Variants in GRIK4 observed in about 807,000 individuals in gnomAD.
GRIK4 encodes the protein glutamate ionotropic receptor kainate type subunit 4, also known as glutamate receptor ionotropic, kainate 4.
GRIK4 carries 40 observed loss-of-function variants against 104.9 expected under a neutral mutation model. The observed-to-expected ratio is 0.38, with a 90% CI of 0.30 to 0.50. The LOEUF (loss-of-function observed/expected upper bound fraction) is 0.50. GRIK4 is among the 20% of genes least tolerant of loss of function. The pLI is 0.93. For missense variants in GRIK4, 1,047 were observed against 1,308.1 expected (o/e 0.80, Z 3.08); for synonymous variants, 485 against 524.9 (o/e 0.92, Z 1.04).
At chr11:120,770,992 G>A (rs1951930432) in intron 3 of GRIK4, among the ~76,000 whole-genome samples, 1 of 152,204 alleles carries the variant, frequency 6.6e-6, no homozygotes, top group African/African-American at 2.4e-5. Context: ...CAAATGGACT[G>A]TAACAGAAAA....
intron 3 of GRIK4, among the ~76,000 whole-genome samples, chr11:120,780,195 A>G (rs1952125425): frequency 6.6e-6 from 1 of 152,204 alleles, no homozygotes; most frequent in African/African-American, 2.4e-5. Context: ...GTTTTAACCA[A>G]TTTTTAGTGT....
intron 3 of GRIK4, among the ~76,000 whole-genome samples, chr11:120,768,923 G>C (rs1325091194): frequency 6.6e-6 from 1 of 152,158 alleles, no homozygotes; most frequent in African/African-American, 2.4e-5. Flanking sequence ...TGATTAATGA[G>C]TTGTTAAATT....
intron 1 of GRIK4, among the ~76,000 whole-genome samples, chr11:120,562,460 G>A (rs1948251026): frequency 6.6e-6 from 1 of 152,174 alleles, no homozygotes; most frequent in Non-Finnish European, 1.5e-5. Flanking sequence ...TCCTGGAGGA[G>A]GTGATGCCTG....
chr11:120,709,833 G>A (rs1831143383), intron 3 of GRIK4, among the ~76,000 whole-genome samples: 2 of 152,094 alleles, frequency 1.3e-5, no homozygotes, highest in African/African-American at 4.8e-5. Context: ...CAGAGTCCTG[G>A]ACAAGGAATA....
At chr11:120,672,125 T>C (rs1950028386) in intron 3 of GRIK4, among the ~76,000 whole-genome samples, 1 of 152,158 alleles carries the variant, frequency 6.6e-6, no homozygotes, top group Admixed American at 6.6e-5. Flanking sequence ...TTTGGTTCCA[T>C]ATGAAATTTA....
Position 120,967,300 on chromosome 11 carries a change from A to G in GRIK4, c.2372A>G (p.Lys791Arg), listed in dbSNP as rs758712008. ...TGGTGGGAAGGAGGGAAGTGCCCCA[A>G]GGAGGAAGATCACAGAGCTAAAGGT... ...RKWWEGGKCP[K>R]EEDHRAKGLG... Residue 791 changes from lysine to arginine, a missense_variant, in exon 19 of 21, where the codon AAG becomes AGG. Lys to Arg is a conservative substitution (Grantham distance 26). Transcript: ENST00000527524. This position sits in a 1 kb window ranked among gnomAD's most constrained non-coding sequence, Gnocchi z 4.2. 3.7e-5 allele frequency: 60 copies of G among 1,613,700 alleles called. 1 individual carries two copies. In the South Asian group the frequency reaches 5.6e-4, roughly 15 times the overall value.
intron 20 of GRIK4, among the ~76,000 whole-genome samples, chr11:120,985,643 G>A (rs73009782): frequency 0.024 from 1,916 of 78,758 alleles, 38 homozygotes; most frequent in African/African-American, 0.06. Flanking sequence ...AAAAAAAAAA[G>A]TGAGATCATT....
intron 3 of GRIK4, among the ~76,000 whole-genome samples, chr11:120,735,364 C>T (rs1193757603): frequency 2.6e-5 from 4 of 152,164 alleles, no homozygotes; most frequent in Admixed American, 2.0e-4. Flanking sequence ...CTCTTGTTCT[C>T]TTCCCTTAGT....
chr11:120,796,271 G>A (rs866876154), intron 3 of GRIK4, among the ~76,000 whole-genome samples: 3 of 152,014 alleles, frequency 2.0e-5, no homozygotes, highest in Non-Finnish European at 2.9e-5. Context: ...TCCTGACCTC[G>A]TGATCCGCCC....
chr11:120,778,519 A>C (rs1403738604), intron 3 of GRIK4, among the ~76,000 whole-genome samples: 1 of 152,274 alleles, frequency 6.6e-6, no homozygotes, highest in Non-Finnish European at 1.5e-5. Flanking sequence ...TTTAAAACAT[A>C]AAGTTTTAAA....
chr11:120,714,070 A>G (rs556690800), intron 3 of GRIK4, among the ~76,000 whole-genome samples: 9 of 152,234 alleles, frequency 5.9e-5, no homozygotes, highest in Non-Finnish European at 1.0e-4. Flanking sequence ...TGTCTATGAC[A>G]GCACATTGTA....
intron 3 of GRIK4, among the ~76,000 whole-genome samples, chr11:120,801,256 C>G (rs534687305): frequency 6.6e-6 from 1 of 152,136 alleles, no homozygotes; most frequent in African/African-American, 2.4e-5. Context: ...GATGGAGTCT[C>G]GCTCTGTCAC....
At chr11:120,544,532 T>C (rs538537113) in intron 1 of GRIK4, among the ~76,000 whole-genome samples, 1 of 152,310 alleles carries the variant, frequency 6.6e-6, no homozygotes, top group South Asian at 2.1e-4. Flanking sequence ...GGTTTCACCA[T>C]GTTGGCCAGG....
intron 6 of GRIK4, among the ~76,000 whole-genome samples, chr11:120,829,546 A>G (rs1217788107): frequency 6.6e-6 from 1 of 152,216 alleles, no homozygotes; most frequent in African/African-American, 2.4e-5. Context: ...CACTCAGGAC[A>G]TGCCAGAGAC....
intron 3 of GRIK4, among the ~76,000 whole-genome samples, chr11:120,676,300 C>T (rs946357247): frequency 5.3e-5 from 8 of 152,224 alleles, no homozygotes; most frequent in Non-Finnish European, 8.8e-5. Context: ...CCAGGATCAT[C>T]TCCCTGCCTC....
At position 120,664,913 on chromosome 11, in the gene GRIK4, A is replaced by G. The variant is rs78641571; in HGVS notation, c.82+4513A>G. ...CATCAGCAGGTTATTGCAGCAATTG[A>G]ATCTCTCTTGTTTAAGGTTTCCCTG... On this transcript the variant is annotated intron_variant, in intron 3 of 20. Coordinates refer to ENST00000527524, the MANE Select transcript of GRIK4 (RefSeq NM_014619.5). 5.6e-3 allele frequency among the ~76,000 whole-genome samples: 857 copies of G among 152,164 alleles called. 12 individuals are homozygous for G. Among genetic ancestry groups the G allele is most frequent in the African/African-American group, 0.019 (794 of 41,518 alleles).
chr11:120,906,992 G>A (rs971253581), intron 13 of GRIK4, among the ~76,000 whole-genome samples: 5 of 152,182 alleles, frequency 3.3e-5, no homozygotes, highest in African/African-American at 1.2e-4. Context: ...TGGGGGTGGG[G>A]ATGGCAGGGC....
At chr11:120,824,156 C>T (rs998944204) in intron 6 of GRIK4, among the ~76,000 whole-genome samples, 14 of 152,204 alleles carry the variant, frequency 9.2e-5, no homozygotes, top group Non-Finnish European at 1.8e-4. Context: ...TACTCTCTTC[C>T]TTCCCAAAAG....
At chr11:120,707,504 G>T (rs1049278114) in intron 3 of GRIK4, among the ~76,000 whole-genome samples, 1 of 152,204 alleles carries the variant, frequency 6.6e-6, no homozygotes, top group Non-Finnish European at 1.5e-5. Flanking sequence ...ACTGGCAAGG[G>T]TAAAGGGAGT....
Sources: allele counts gnomAD v4.1 joint callset (sites outside exome capture counted in the v4.1 genomes callset), GRCh38; gene constraint gnomAD v4.1.1; non-coding constraint Gnocchi (gnomAD v3.1); transcripts MANE v1.5; gene names NCBI Gene and HGNC (gene_info 2026-07-23, HGNC 2026-07-21).